Variants in ESCO2 observed in about 807,000 individuals in gnomAD.
The protein encoded by ESCO2 is N-acetyltransferase ESCO2.
A neutral mutation model predicts 61.7 loss-of-function variants in ESCO2; 51 were observed. That is an observed-to-expected ratio of 0.83 (90% CI 0.66 to 1.04). The LOEUF is 1.04. Among genes scored for constraint, ESCO2 ranks in the 50% least tolerant of loss-of-function variants. The pLI is 0.00. For missense variants in ESCO2, 692 were observed against 686.2 expected (o/e 1.01, Z -0.09); for synonymous variants, 230 against 238.2 (o/e 0.97, Z 0.32).
downstream of ESCO2, chr8:27,808,195 T>C: frequency 8.2e-7 from 1 of 1,220,116 alleles, no homozygotes; most frequent in Non-Finnish European, 1.1e-6. Context: ...AATCAACAGA[T>C]TGTAGAAGAT....
chr8:27,804,908 A>C lies in ESCO2; in HGVS notation c.*1470A>C. 1 of 367,434 alleles carries C rather than the reference A, an allele frequency of 2.7e-6. No individual in the cohort carries two copies. Among genetic ancestry groups the C allele is most frequent in the Non-Finnish European group, 3.8e-6 (1 of 265,458 alleles). 22.8% of individuals were successfully genotyped at this position (367,434 alleles called of 1,614,324 possible). A position where few individuals can be genotyped will look rare whatever the true frequency, so the allele number is the denominator to read the frequency against. ...AAAATTCTTTATTTTATACAACTAAATCTGATTTTAATTATTTTATTATGA... is the reference window on the plus strand; with the variant it reads ...AAAATTCTTTATTTTATACAACTAACTCTGATTTTAATTATTTTATTATGA... On this transcript the variant is annotated 3_prime_UTR_variant, in exon 11 of 11. Transcript: ENST00000305188.
chr8:27,776,304 AT>A (rs1439587466), intron 2 of ESCO2, 57 bp from the exon 3 acceptor site: 1 of 1,424,742 alleles, frequency 7.0e-7, no homozygotes, highest in Non-Finnish European at 9.7e-7. Flanking sequence ...TTAGCAGTAG[AT>A]TTATGTAAAT....
At chr8:27,815,797 T>C (rs984896140), downstream of ESCO2, among the ~76,000 whole-genome samples, 1 of 152,164 alleles carries the variant, frequency 6.6e-6, no homozygotes, top group African/African-American at 2.4e-5. Context: ...GCATGTGACA[T>C]AGTGAATTTA....
downstream of ESCO2, among the ~76,000 whole-genome samples, chr8:27,807,702 G>T (rs969580603): frequency 6.6e-6 from 1 of 152,100 alleles, no homozygotes; most frequent in Non-Finnish European, 1.5e-5. Context: ...TCTATTTCCT[G>T]TAAGTTTTAA....
chr8:27,788,527 T>C (rs1044292538), intron 6 of ESCO2, among the ~76,000 whole-genome samples: 2 of 121,484 alleles, frequency 1.6e-5, no homozygotes, highest in African/African-American at 6.0e-5. Flanking sequence ...TTGTCTCTTT[T>C]TTTTCCCCCC....
At position 27,777,116 on chromosome 8, in the gene ESCO2, T is replaced by C. The variant is rs986679958; in HGVS notation, c.808T>C (p.Leu270=). 1 of 1,594,604 alleles carries C rather than the reference T, an allele frequency of 6.3e-7. No homozygotes were observed. The highest frequency in any genetic ancestry group is 8.5e-7 in the Non-Finnish European group (1 of 1,175,306). ...VPKCLVLEEK[L]KIGLLSASSK... Reference sequence around the variant, plus strand: ...AAAGTGCTTGGTCCTAGAAGAGAAATTGAAAATTGGACTACTGAGTGCAAG... The same window carrying C: ...AAAGTGCTTGGTCCTAGAAGAGAAACTGAAAATTGGACTACTGAGTGCAAG... Residue 270 remains leucine (L), a synonymous_variant, in exon 3 of 11, where the codon TTG becomes CTG. Coordinates refer to ENST00000305188, the MANE Select transcript of ESCO2 (RefSeq NM_001017420.3).
the ESCO2 span, among the ~76,000 whole-genome samples, chr8:27,818,906 G>A: frequency 2.0e-5 from 3 of 151,968 alleles, no homozygotes; most frequent in Non-Finnish European, 4.4e-5. Context: ...CAAGTGTAAG[G>A]ATAGAAAACA....
rs1017874971 is a variant in ESCO2, at chr8:27,775,619, T to C, written c.53+52T>C. 3.2e-6 allele frequency: 5 copies of C among 1,581,158 alleles called. No individual in the cohort carries two copies. The African/African-American group carries it at 6.7e-5, about 21-fold the overall frequency. ...TCTTAGAAAAATCCACCTTCTTGTC[T>C]CTCTTGTTCTCTCCTATTTTCTAAA... On this transcript the variant is annotated intron_variant, in intron 2 of 10. Transcript: ENST00000305188.
chr8:27,776,331 T>C (rs1256566121), intron 2 of ESCO2, 31 bp from the exon 3 acceptor site: 2 of 1,563,568 alleles, frequency 1.3e-6, no homozygotes, highest in African/African-American at 2.7e-5. Flanking sequence ...CGCAAAATAA[T>C]CTTATCAATG....
In ESCO2 at chr8:27,803,775, A is replaced by G; in HGVS notation, c.*337A>G. The G allele has an allele frequency of 9.6e-7, 1 of 1,046,154 alleles. No homozygotes were observed. The highest frequency in any genetic ancestry group is 1.1e-6 in the Non-Finnish European group (1 of 869,642). The allele number at this position is 1,046,154 out of a possible 1,614,324, so 64.8% of individuals were successfully genotyped here. ...TAAATACAAAGTGATTTTTCTCTAGAAATGTGACCTGGTCTTTTATAAAGC... is the reference window on the plus strand; with the variant it reads ...TAAATACAAAGTGATTTTTCTCTAGGAATGTGACCTGGTCTTTTATAAAGC... On this transcript the variant is annotated 3_prime_UTR_variant, in exon 11 of 11. Transcript: ENST00000305188.
At chr8:27,777,902 C>T (rs1268033158) in intron 3 of ESCO2, 2 of 152,186 alleles carry the variant, frequency 1.3e-5, no homozygotes, top group African/African-American at 4.8e-5. Flanking sequence ...TCCTAACCCA[C>T]CTCTCATCAT....
chr8:27,811,232 A>G, downstream of ESCO2: 1 of 1,001,640 alleles, frequency 1.0e-6, no homozygotes, highest in Non-Finnish European at 1.6e-6. Context: ...CAAGTAGTTC[A>G]CAGGTTAATC....
At chr8:27,788,033 T>C in intron 6 of ESCO2, 31 bp downstream of exon 6, 1 of 1,523,556 alleles carries the variant, frequency 6.6e-7, no homozygotes, top group Non-Finnish European at 9.1e-7. Flanking sequence ...GCTTCTCCTA[T>C]CTAGCCCTTT....
At chr8:27,809,472 C>G (rs1203622808), downstream of ESCO2, 1 of 152,060 alleles carries the variant, frequency 6.6e-6, no homozygotes, top group East Asian at 1.9e-4. Context: ...TTGGAAAATT[C>G]CCAGGGGACT....
upstream of ESCO2, chr8:27,772,379 CGA>C: frequency 1.2e-6 from 1 of 827,500 alleles, no homozygotes; most frequent in Non-Finnish European, 2.0e-6. Flanking sequence ...GCTGGGGGAC[CGA>C]GAGGCCGCGG....
chr8:27,795,514 C>T (rs1805275080), intron 9 of ESCO2, among the ~76,000 whole-genome samples: 1 of 152,014 alleles, frequency 6.6e-6, no homozygotes, highest in South Asian at 2.1e-4. Context: ...TTTTTTCTTC[C>T]TAATTGCTCT....
At chr8:27,797,450 C>G (rs1472529540) in intron 9 of ESCO2, among the ~76,000 whole-genome samples, 1 of 147,924 alleles carries the variant, frequency 6.8e-6, no homozygotes, top group African/African-American at 2.5e-5. Context: ...CCTTCACTTT[C>G]AGTCTATGTG....
intron 9 of ESCO2, among the ~76,000 whole-genome samples, chr8:27,798,461 T>TAA (rs34991890): frequency 0.01 from 1,487 of 146,432 alleles, 20 homozygotes; most frequent in African/African-American, 0.034. Flanking sequence ...TCCGTCTCTT[T>TAA]AAAAAAAAAA....
intron 3 of ESCO2, chr8:27,778,682 G>T (rs760018870): frequency 6.6e-6 from 1 of 152,142 alleles, no homozygotes; most frequent in Non-Finnish European, 1.5e-5. Context: ...AATGAATGGT[G>T]ACCTGATGAA....
Sources: allele counts gnomAD v4.1 joint callset (sites outside exome capture counted in the v4.1 genomes callset), GRCh38; gene constraint gnomAD v4.1.1; transcripts MANE v1.5; gene names NCBI Gene and HGNC (gene_info 2026-07-23, HGNC 2026-07-21).